Variants in TEP1 observed in about 807,000 individuals in gnomAD.
The protein encoded by TEP1 is telomerase protein component 1.
Under a neutral mutation model 306.3 loss-of-function variants are expected in TEP1, and 241 were observed. The ratio of observed to expected loss-of-function variants is 0.79; its 90% CI spans 0.71 to 0.88. The LOEUF is 0.88. TEP1 is among the 40% of genes least tolerant of loss of function. TEP1 has a pLI of 0.00. For synonymous variants in TEP1, 1,289 were observed against 1,305.5 expected (o/e 0.99, Z 0.27); for missense variants, 3,051 against 3,276.1 (o/e 0.93, Z 1.68).
At chr14:20,390,620 T>C (rs1308317565) in intron 15 of TEP1, 61 bp downstream of exon 15, 2 of 1,510,922 alleles carry the variant, frequency 1.3e-6, no homozygotes, top group African/African-American at 2.7e-5. Flanking sequence ...AGAAATGAAA[T>C]ATATCAGTTG....
intron 17 of TEP1, 132 bp downstream of exon 17, chr14:20,389,106 C>T (rs1877477441): frequency 2.6e-6 from 2 of 782,592 alleles, no homozygotes; most frequent in Non-Finnish European, 4.2e-6. Flanking sequence ...CAAGATTGTG[C>T]CACTGCACTC....
chr14:20,376,276 A>G lies in TEP1; in HGVS notation c.6089-12T>C, dbSNP rs756415825. ...CACTGTGAAATCCTCTGCATTGGAA[A>G]AAGAGAGAGGGAACAGCTTCCTGAA... On this transcript the variant is annotated splice_polypyrimidine_tract_variant and intron_variant, in intron 41 of 54. Coordinates refer to ENST00000262715, the MANE Select transcript of TEP1 (RefSeq NM_007110.5). 1 of 1,608,022 alleles carries G rather than the reference A, an allele frequency of 6.2e-7. No homozygotes were observed.
intron 39 of TEP1, 31 bp from the exon 40 acceptor site, chr14:20,377,784 C>G: frequency 1.2e-6 from 2 of 1,609,394 alleles, no homozygotes; most frequent in Non-Finnish European, 1.7e-6. Flanking sequence ...TTAAGGATAC[C>G]ACCTCCACCA....
chr14:20,385,699 T>TAA, intron 20 of TEP1, among the ~76,000 whole-genome samples: 1 of 152,344 alleles, frequency 6.6e-6, no homozygotes, highest in East Asian at 1.9e-4. Context: ...ATTCTCATAA[T>TAA]AACCCTCCAA....
intron 43 of TEP1, among the ~76,000 whole-genome samples, chr14:20,374,850 G>A (rs1416754030): frequency 1.3e-5 from 2 of 152,140 alleles, no homozygotes; most frequent in Non-Finnish European, 2.9e-5. Flanking sequence ...AATACTTTGG[G>A]AGGCCGAGGC....
intron 43 of TEP1, among the ~76,000 whole-genome samples, chr14:20,375,360 T>A (rs1885113799): frequency 6.6e-6 from 1 of 152,080 alleles, no homozygotes; most frequent in Non-Finnish European, 1.5e-5. Context: ...TTCTCCATGT[T>A]GGTCAGCCTG....
chr14:20,384,007 C>A, intron 24 of TEP1, 31 bp downstream of exon 24: 1 of 1,585,456 alleles, frequency 6.3e-7, no homozygotes. Context: ...AGCCTTCCCT[C>A]CCTCCTGCCC....
rs150026634 is a variant in TEP1, at chr14:20,401,568, C to T, written c.1280G>A (p.Gly427Asp). 1,218 of 1,614,144 alleles carry T rather than the reference C, an allele frequency of 7.5e-4. 1 individual carries two copies. Among genetic ancestry groups the T allele is most frequent in the Middle Eastern group, 1.6e-3 (10 of 6,062 alleles). ...REEQRKFEKA[G>D]DTVSEKKNPP... ...ATTCTTTTTCTCTGACACTGTATCA[C>T]CGGCCTTCTCAAACTGTGGAAACAT... Residue 427 changes from glycine (G) to aspartate (D), a missense_variant, in exon 8 of 55, where the codon GGT becomes GAT. Transcript: ENST00000262715.
At chr14:20,409,740 G>A (rs1297303693) in intron 1 of TEP1, among the ~76,000 whole-genome samples, 2 of 152,100 alleles carry the variant, frequency 1.3e-5, no homozygotes, top group Non-Finnish European at 2.9e-5. Flanking sequence ...AAAAATGCTG[G>A]CCGGGCGCGG....
At chr14:20,400,497 C>CAAAAAAAAAAAAAAAAAAA (rs71108598) in intron 9 of TEP1, among the ~76,000 whole-genome samples, 15 of 85,476 alleles carry the variant, frequency 1.8e-4, no homozygotes, top group Non-Finnish European at 2.8e-4. Context: ...AAAAGTAGAC[C>CAAAAAAAAAAAAAAAAAAA]AAAAAAAAAA....
chr14:20,377,325 C>G lies in TEP1; in HGVS notation c.6043G>C (p.Val2015Leu), dbSNP rs747503967. The change falls in exon 41 of 55, where the codon GTG becomes CTG. Residue 2015 changes from valine (V) to leucine (L), a missense_variant. By Grantham distance (32) the Val-to-Leu change is conservative. Transcript: ENST00000262715. ...LWLLSRFQKP[V>L]LGLATSQELL... ...TCCTGGGAAGTGGCCAGTCCTAGCA[C>G]AGGCTTCTGGAATCTGGACAGGAGC... The G allele has an allele frequency of 5.0e-6, 8 of 1,614,006 alleles. No homozygotes were observed. The East Asian group carries it at 1.6e-4, about 31-fold the overall frequency.
At chr14:20,375,992 A>C (rs1467302611) in intron 42 of TEP1, 112 bp downstream of exon 42, 1 of 1,490,498 alleles carries the variant, frequency 6.7e-7, no homozygotes, top group Non-Finnish European at 9.2e-7. Flanking sequence ...ACAGATCTAT[A>C]CTAGATTTGG....
intron 26 of TEP1, 55 bp from the exon 27 acceptor site, chr14:20,383,408 G>A: frequency 1.9e-6 from 3 of 1,606,026 alleles, no homozygotes; most frequent in East Asian, 2.2e-5. Flanking sequence ...GAACCACATT[G>A]GAGAGGCCTC....
rs1223493848 is a variant in TEP1, at chr14:20,369,657, C to T, written c.7423+17G>A. 1 of 1,613,430 alleles carries T rather than the reference C, an allele frequency of 6.2e-7. No individual in the cohort carries two copies. The highest frequency in any genetic ancestry group is 2.2e-5 in the East Asian group (1 of 44,870). On this transcript the variant is annotated intron_variant, in intron 52 of 54. Transcript: ENST00000262715. ...GGGCCATCTCCCGGCTCCTCAGGTC[C>T]TCCTGTTACCACTCACCAGATTCAG...
At position 20,368,781 on chromosome 14, in the gene TEP1, CACA is replaced by C. The variant is rs534999065; in HGVS notation, c.7761+14_7761+16del. On this transcript the variant is annotated intron_variant, in intron 54 of 54. Coordinates refer to ENST00000262715, the MANE Select transcript of TEP1 (RefSeq NM_007110.5). The stretch of plus-strand genomic sequence containing the variant: ...AGGCGCACGCACACACACACACACA[CACA>C]CACACACACTTACCAGCTGCATACT... 2 of 1,604,054 alleles carry C rather than the reference CACA, an allele frequency of 1.2e-6. No individual in the cohort carries two copies. The highest frequency in any genetic ancestry group is 1.7e-6 in the Non-Finnish European group (2 of 1,171,472).
intron 54 of TEP1, 41 bp from the exon 55 acceptor site, chr14:20,368,600 C>G: frequency 1.2e-6 from 2 of 1,609,326 alleles, no homozygotes. Flanking sequence ...GGGCTACAAG[C>G]CTCCTTACTA....
At position 20,408,345 on chromosome 14, in the gene TEP1, T is replaced by C. The variant is rs1448791938; in HGVS notation, c.95A>G (p.Glu32Gly). ...LAMLPDLQPL[E>G]KLHQHVSTHS... ...GGTAGATACATGCTGATGTAGTTTC[T>C]CCAAGGGCTGTAAGTCAGGGAGCAT... is the stretch of plus-strand genomic sequence containing the variant. The change falls in exon 2 of 55, where the codon GAG becomes GGG. Residue 32 changes from glutamate to glycine, a missense_variant. Coordinates refer to ENST00000262715, the MANE Select transcript of TEP1 (RefSeq NM_007110.5). The C allele has an allele frequency of 1.2e-6, 2 of 1,612,200 alleles. No individual in the cohort carries two copies. Among genetic ancestry groups the C allele is most frequent in the Non-Finnish European group, 1.7e-6 (2 of 1,179,684 alleles).
chr14:20,393,248 G>A (rs1877884902), intron 12 of TEP1, among the ~76,000 whole-genome samples: 1 of 151,720 alleles, frequency 6.6e-6, no homozygotes, highest in Non-Finnish European at 1.5e-5. Context: ...AAAAGAAAAT[G>A]TAATAAAATC....
At chr14:20,392,505 T>A (rs915564891) in intron 12 of TEP1, among the ~76,000 whole-genome samples, 2 of 152,218 alleles carry the variant, frequency 1.3e-5, no homozygotes, top group Non-Finnish European at 2.9e-5. Flanking sequence ...AAAAACAAGT[T>A]AGATGACATC....
Sources: gnomAD v4.1 joint callset for allele counts (sites outside exome capture counted in the v4.1 genomes callset) on GRCh38, gnomAD v4.1.1 for gene constraint, MANE v1.5 for transcripts, NCBI Gene and HGNC (gene_info 2026-07-23, HGNC 2026-07-21) for gene names.